DACH2: variants seen among roughly 807,000 people sequenced by gnomAD.
The protein encoded by DACH2 is dachshund family transcription factor 2.
DACH2 carries 17 observed loss-of-function variants against 35.8 expected under a neutral mutation model. The observed-to-expected ratio is 0.48, with a 90% CI of 0.33 to 0.71. DACH2 has a LOEUF of 0.71. Ranked by LOEUF, DACH2 falls within the 30% of genes least tolerant of loss-of-function variation. The pLI, the probability that DACH2 is intolerant of heterozygous loss-of-function variation, is 0.02. For missense variants in DACH2, 469 were observed against 472.7 expected (o/e 0.99, Z 0.07); for synonymous variants, 195 against 177.3 (o/e 1.10, Z -0.79).
intron 6 of DACH2, among the ~76,000 whole-genome samples, chrX:86,738,731 T>C (rs1278989611): frequency 1.8e-5 from 2 of 111,936 alleles, no homozygotes; most frequent in Non-Finnish European, 3.8e-5. Flanking sequence ...CCATAATAAT[T>C]ACTGCAGAAG....
chrX:86,778,424 T>C (rs1211260828), intron 7 of DACH2, among the ~76,000 whole-genome samples: 1 of 111,288 alleles, frequency 9.0e-6, no homozygotes, highest in Non-Finnish European at 1.9e-5. Context: ...GAAGAATGGT[T>C]TCTTCAGTAA....
chrX:86,206,504 A>C (rs1425198102), intron 1 of DACH2, among the ~76,000 whole-genome samples: 1 of 111,974 alleles, frequency 8.9e-6, no homozygotes, highest in Non-Finnish European at 1.9e-5. Context: ...TTGTACACTT[A>C]TCTGCTGATA....
At chrX:86,766,034 A>C (rs1047660868) in intron 7 of DACH2, among the ~76,000 whole-genome samples, 18 of 109,842 alleles carry the variant, frequency 1.6e-4, no homozygotes, top group African/African-American at 6.0e-4. Flanking sequence ...GACCAATCCT[A>C]ATTTTCCCCC....
Position 86,426,068 on chromosome X carries a change from C to T in DACH2, c.527+49206C>T, listed in dbSNP as rs780436887. Among the ~76,000 whole-genome samples, 3 of 111,520 alleles carry T rather than the reference C, an allele frequency of 2.7e-5. No individual in the cohort carries two copies. The South Asian group carries it at 1.1e-3, about 41-fold the overall frequency. ...TTGGAACAATTATGTAAAGATTCTTCAGTTTTTAAATGATAAATATTGTAG... is the reference window on the plus strand; with the variant it reads ...TTGGAACAATTATGTAAAGATTCTTTAGTTTTTAAATGATAAATATTGTAG... On this transcript the variant is annotated intron_variant, in intron 2 of 11. Transcript: ENST00000373125.
intron 7 of DACH2, among the ~76,000 whole-genome samples, chrX:86,744,863 G>A (rs1396511794): frequency 1.8e-5 from 2 of 111,366 alleles, no homozygotes; most frequent in African/African-American, 6.5e-5. Context: ...GTCTTTAACA[G>A]TCAGTTCTGG....
rs950781289 is a variant in DACH2 at position 86,318,770 on chromosome X, C to A, written c.489-58054C>A. ...CCCAAAAGCTAGGGATCAGGAAAGA[C>A]AACCTTGAGACTAAAGTTTGATTTT... is the stretch of plus-strand genomic sequence containing the variant. On this transcript the variant is annotated intron_variant, in intron 1 of 11. Transcript: ENST00000373125. 3.6e-5 allele frequency among the ~76,000 whole-genome samples: 4 copies of A among 111,499 alleles called. No individual in the cohort carries two copies. In the Admixed American group the frequency reaches 3.8e-4, roughly 11 times the overall value.
chrX:86,319,084 C>T (rs886306989), intron 1 of DACH2, among the ~76,000 whole-genome samples: 1 of 111,728 alleles, frequency 9.0e-6, no homozygotes, highest in Admixed American at 9.5e-5. Context: ...TTTTACATAC[C>T]TGTTATAATT....
chrX:86,782,948 A>C (rs1158791773), intron 7 of DACH2, among the ~76,000 whole-genome samples: 1 of 111,815 alleles, frequency 8.9e-6, no homozygotes, highest in Admixed American at 9.5e-5. Context: ...GCTGCATGGC[A>C]AAGAATACAA....
chrX:86,203,794 A>T (rs5968825), intron 1 of DACH2, among the ~76,000 whole-genome samples: 13,765 of 111,329 alleles, frequency 0.12, 2,070 homozygotes, highest in African/African-American at 0.42. Flanking sequence ...TTGAGGATAA[A>T]TACATTTGTA....
intron 3 of DACH2, among the ~76,000 whole-genome samples, chrX:86,608,900 C>A (rs1338235400): frequency 9.0e-6 from 1 of 111,637 alleles, no homozygotes; most frequent in Admixed American, 9.5e-5. Context: ...AGGATCCTTT[C>A]TTTAGCCTTG....
intron 1 of DACH2, among the ~76,000 whole-genome samples, chrX:86,216,068 A>G (rs1311488215): frequency 8.9e-6 from 1 of 112,017 alleles, no homozygotes; most frequent in Admixed American, 9.5e-5. Flanking sequence ...CAATAAGATG[A>G]TTTTTTGTGC....
chrX:86,809,501 G>A (rs1464752358), intron 7 of DACH2, among the ~76,000 whole-genome samples: 2 of 91,981 alleles, frequency 2.2e-5, no homozygotes, highest in African/African-American at 7.3e-5. Context: ...TGTAGCAAAC[G>A]AGTTAAATAG....
chrX:86,283,397 A>G (rs1270293237), intron 1 of DACH2, among the ~76,000 whole-genome samples: 3 of 111,403 alleles, frequency 2.7e-5, no homozygotes, highest in Middle Eastern at 4.6e-3. Context: ...CCAGTGGATT[A>G]TAAATCATTC....
At chrX:86,502,458 T>A (rs5923545) in intron 2 of DACH2, among the ~76,000 whole-genome samples, 30,824 of 111,187 alleles carry the variant, frequency 0.28, 3,285 homozygotes, top group Middle Eastern at 0.47. Context: ...AGAAATATTA[T>A]TTATTCTACA....
At chrX:86,415,108 A>G (rs1251672100) in intron 2 of DACH2, among the ~76,000 whole-genome samples, 2 of 111,756 alleles carry the variant, frequency 1.8e-5, no homozygotes, top group Non-Finnish European at 3.8e-5. Context: ...CTGCAAGAAG[A>G]TGATATACTT....
chrX:86,212,892 G>A (rs780896563), intron 1 of DACH2, among the ~76,000 whole-genome samples: 28 of 111,105 alleles, frequency 2.5e-4, no homozygotes, highest in Non-Finnish European at 4.9e-4. Context: ...TTACCCAGGA[G>A]GCACAAAAGT....
intron 2 of DACH2, among the ~76,000 whole-genome samples, chrX:86,468,758 G>C (rs1219801024): frequency 5.4e-5 from 6 of 111,492 alleles, no homozygotes; most frequent in African/African-American, 2.0e-4. Context: ...CTATTGTGGG[G>C]ATGTAAATTA....
intron 2 of DACH2, among the ~76,000 whole-genome samples, chrX:86,504,849 G>A (rs183165772): frequency 8.9e-6 from 1 of 111,798 alleles, no homozygotes; most frequent in Non-Finnish European, 1.9e-5. Flanking sequence ...AAAGGAAAGA[G>A]GTGTGGGGCA....
intron 2 of DACH2, among the ~76,000 whole-genome samples, chrX:86,394,353 T>C (rs191906453): frequency 1.6e-4 from 18 of 111,520 alleles, no homozygotes; most frequent in Admixed American, 1.5e-3. Flanking sequence ...TCAGAATTAA[T>C]ATGCCTTCCA....
Sources: gnomAD v4.1 joint callset for allele counts (sites outside exome capture counted in the v4.1 genomes callset) on GRCh38, gnomAD v4.1.1 for gene constraint, MANE v1.5 for transcripts, NCBI Gene and HGNC (gene_info 2026-07-23, HGNC 2026-07-21) for gene names.